TAX1BP1: variants seen among roughly 807,000 people sequenced by gnomAD.
The protein encoded by TAX1BP1 is Tax1 binding protein 1.
In TAX1BP1, 62 loss-of-function variants were observed where a neutral mutation model predicts 97.7. The ratio of observed to expected loss-of-function variants is 0.63; its 90% CI spans 0.52 to 0.78. The LOEUF (loss-of-function observed/expected upper bound fraction) is 0.78, where lower values mean the gene tolerates loss of function less well. Ranked by LOEUF, TAX1BP1 falls within the 30% of genes least tolerant of loss-of-function variation. The probability of loss-of-function intolerance (pLI) is 0.00; values close to 1 mark genes in which losing one functional copy is unlikely to be tolerated. For synonymous variants in TAX1BP1, 340 were observed against 304.2 expected (o/e 1.12, Z -1.23); for missense variants, 867 against 916.1 (o/e 0.95, Z 0.69).
At chr7:27,773,488 T>C (rs573277398) in intron 5 of TAX1BP1, among the ~76,000 whole-genome samples, 5 of 152,218 alleles carry the variant, frequency 3.3e-5, no homozygotes, top group South Asian at 2.1e-4. Context: ...CAGCCACTAA[T>C]TGAAATTTCT....
intron 13 of TAX1BP1, among the ~76,000 whole-genome samples, chr7:27,813,443 C>T (rs1252095274): frequency 1.3e-5 from 2 of 151,830 alleles, no homozygotes; most frequent in Admixed American, 6.6e-5. Context: ...TAGCCTTGAC[C>T]TCCCAGACTC....
At chr7:27,782,764 A>G (rs1789310806) in intron 5 of TAX1BP1, among the ~76,000 whole-genome samples, 1 of 152,218 alleles carries the variant, frequency 6.6e-6, no homozygotes, top group African/African-American at 2.4e-5. Context: ...TAAAGTGTTC[A>G]GGTGCTAGTT....
At chr7:27,765,754 A>G in intron 3 of TAX1BP1, 80 bp from the exon 4 acceptor site, 1 of 1,233,822 alleles carries the variant, frequency 8.1e-7, no homozygotes, top group Non-Finnish European at 1.2e-6. Context: ...GGAATGAGAC[A>G]TGGCAAGTAT....
chr7:27,814,989 G>A (rs888266970), intron 13 of TAX1BP1, among the ~76,000 whole-genome samples: 5 of 152,080 alleles, frequency 3.3e-5, no homozygotes, highest in African/African-American at 1.2e-4. Context: ...CATCCGCCTC[G>A]GGCTCCCAAA....
chr7:27,771,433 A>T (rs1204593058), intron 5 of TAX1BP1, among the ~76,000 whole-genome samples: 3 of 151,796 alleles, frequency 2.0e-5, no homozygotes, highest in African/African-American at 7.3e-5. Flanking sequence ...TGATTGTGAG[A>T]ATAGGAATGG....
chr7:27,785,687 A>G (rs1226559848), intron 7 of TAX1BP1, among the ~76,000 whole-genome samples, 198 bp downstream of exon 7: 1 of 152,148 alleles, frequency 6.6e-6, no homozygotes, highest in Non-Finnish European at 1.5e-5. Context: ...TTTGCTTTCA[A>G]GATGGCTTAC....
Position 27,794,430 on chromosome 7 carries a change from G to A in TAX1BP1, c.1518G>A (p.Lys506=), listed in dbSNP as rs779676029. Residue 506 remains lysine, a synonymous_variant, in exon 11 of 17, where the codon AAG becomes AAA. Transcript: ENST00000396319. The part of the protein sequence containing the change: ...PATSASTVDV[K]PSPSAAEADF... ...CTTCTGCCTCTACTGTAGATGTAAAGCCATCACCTTCTGCAGGTAAAAATC... is the reference window on the plus strand; with the variant it reads ...CTTCTGCCTCTACTGTAGATGTAAAACCATCACCTTCTGCAGGTAAAAATC... 1.9e-6 allele frequency: 3 copies of A among 1,607,556 alleles called. No homozygotes were observed. Among genetic ancestry groups the A allele is most frequent in the Middle Eastern group, 1.7e-4 (1 of 6,040 alleles).
At chr7:27,751,021 G>A (rs1562697477) in intron 2 of TAX1BP1, among the ~76,000 whole-genome samples, 1 of 152,098 alleles carries the variant, frequency 6.6e-6, no homozygotes, top group Non-Finnish European at 1.5e-5. Context: ...ATCATCTGTA[G>A]AATAATGCCA....
chr7:27,823,288 T>C (rs1791047671), intron 15 of TAX1BP1, among the ~76,000 whole-genome samples: 1 of 152,194 alleles, frequency 6.6e-6, no homozygotes, highest in Non-Finnish European at 1.5e-5. Context: ...CCAGAGTCAT[T>C]GGGTACTCTC....
intron 5 of TAX1BP1, among the ~76,000 whole-genome samples, chr7:27,771,498 C>T (rs1416193312): frequency 6.6e-6 from 1 of 151,862 alleles, no homozygotes; most frequent in African/African-American, 2.4e-5. Context: ...CACACACACA[C>T]ATCGGGCCAT....
intron 15 of TAX1BP1, among the ~76,000 whole-genome samples, chr7:27,817,900 C>T (rs1386551261): frequency 1.3e-5 from 2 of 152,060 alleles, no homozygotes; most frequent in Non-Finnish European, 2.9e-5. Context: ...AGAAACTGAT[C>T]AGTGTTCAGA....
intron 9 of TAX1BP1, among the ~76,000 whole-genome samples, chr7:27,792,819 C>G (rs1302918966): frequency 6.6e-6 from 1 of 151,934 alleles, no homozygotes; most frequent in East Asian, 1.9e-4. Flanking sequence ...AAAAATTACC[C>G]AGGTGTGGTG....
At chr7:27,825,321 A>G (rs570713636) in intron 15 of TAX1BP1, among the ~76,000 whole-genome samples, 1 of 152,046 alleles carries the variant, frequency 6.6e-6, no homozygotes, top group South Asian at 2.1e-4. Flanking sequence ...TGGTTTTGAA[A>G]CTAATTAACC....
chr7:27,761,456 C>T (rs1045017897), intron 3 of TAX1BP1, among the ~76,000 whole-genome samples: 11 of 152,152 alleles, frequency 7.2e-5, no homozygotes, highest in African/African-American at 1.9e-4. Context: ...TAACTTCACT[C>T]CCCTAAAAGT....
intron 8 of TAX1BP1, among the ~76,000 whole-genome samples, chr7:27,790,548 A>G (rs1789665579): frequency 6.6e-6 from 1 of 151,902 alleles, no homozygotes. Context: ...CTTTGATTAT[A>G]TAGAGGTAGT....
chr7:27,758,117 T>C lies in TAX1BP1; in HGVS notation c.249T>C (p.Cys83=), dbSNP rs1788295903. 1.2e-6 allele frequency: 2 copies of C among 1,609,874 alleles called. No individual in the cohort carries two copies. Among genetic ancestry groups the C allele is most frequent in the Non-Finnish European group, 1.7e-6 (2 of 1,178,244 alleles). ...EHYVEGSTVN[C]VLAFQGYYLP... ...ATGTGGAAGGATCAACAGTCAATTG[T>C]GTACTAGCATTCCAAGGTAAGGACT... Residue 83 remains cysteine (C), a synonymous_variant, in exon 3 of 17, where the codon TGT becomes TGC. Coordinates refer to ENST00000396319, the MANE Select transcript of TAX1BP1 (RefSeq NM_006024.7).
At chr7:27,754,074 A>G (rs990577866) in intron 2 of TAX1BP1, among the ~76,000 whole-genome samples, 1 of 152,214 alleles carries the variant, frequency 6.6e-6, no homozygotes, top group African/African-American at 2.4e-5. Flanking sequence ...TCAAAGTCAC[A>G]TTGCTAATGC....
chr7:27,799,303 A>G (rs1790047352), intron 12 of TAX1BP1, among the ~76,000 whole-genome samples: 2 of 152,222 alleles, frequency 1.3e-5, no homozygotes, highest in South Asian at 4.1e-4. Context: ...AAAATGTTCC[A>G]AATGGAATTG....
intron 5 of TAX1BP1, chr7:27,772,556 T>C (rs781384305): frequency 2.0e-5 from 3 of 150,256 alleles, no homozygotes; most frequent in Non-Finnish European, 4.4e-5. Context: ...TGACAAAAAA[T>C]AAAAGTGAAT....
Sources: gnomAD v4.1 joint callset for allele counts (sites outside exome capture counted in the v4.1 genomes callset) on GRCh38, gnomAD v4.1.1 for gene constraint, MANE v1.5 for transcripts, NCBI Gene and HGNC (gene_info 2026-07-23, HGNC 2026-07-21) for gene names.